TJP2: variants seen among roughly 807,000 people sequenced by gnomAD.
TJP2 encodes Friedreich ataxia region gene X104 (tight junction protein ZO-2).
A neutral mutation model predicts 133.1 loss-of-function variants in TJP2; 91 were observed. That is an observed-to-expected ratio of 0.68 (90% CI 0.58 to 0.81). The LOEUF (loss-of-function observed/expected upper bound fraction) is 0.81. TJP2 is among the 40% of genes least tolerant of loss of function. The probability of loss-of-function intolerance (pLI) is 0.00; values close to 1 mark genes in which losing one functional copy is unlikely to be tolerated. For synonymous variants in TJP2, 592 were observed against 583.4 expected (o/e 1.01, Z -0.21); for missense variants, 1,541 against 1,565.6 (o/e 0.98, Z 0.26).
chr9:69,228,007 T>G lies in TJP2; in HGVS notation c.1346T>G (p.Leu449Trp), dbSNP rs1481907609. 1.2e-6 allele frequency: 2 copies of G among 1,614,200 alleles called. No individual in the cohort carries two copies. The highest frequency in any genetic ancestry group is 4.5e-5 in the East Asian group (2 of 44,888). ...PSSREDTPSR[L>W]SRMGATPTPF... Reference sequence around the variant, plus strand: ...TCCAGAGAGGACACGCCGAGCAGATTGTCCAGGATGGGTGCGACACCCACT... The same window carrying G: ...TCCAGAGAGGACACGCCGAGCAGATGGTCCAGGATGGGTGCGACACCCACT... Residue 449 changes from leucine (L) to tryptophan (W), a missense_variant, in exon 9 of 23, where the codon TTG (leucine) becomes TGG (tryptophan). Leu to Trp is a moderately conservative substitution (Grantham distance 61, BLOSUM62 -2). Coordinates refer to ENST00000377245, the MANE Select transcript of TJP2 (RefSeq NM_004817.4).
intron 1 of TJP2, chr9:69,204,887 A>G: frequency 8.1e-7 from 1 of 1,228,316 alleles, no homozygotes; most frequent in South Asian, 2.8e-5. Flanking sequence ...ATCTACTCGG[A>G]TGCTCTAGTT....
At chr9:69,153,592 A>C (rs1823595886) in intron 2 of TJP2, among the ~76,000 whole-genome samples, 1 of 152,144 alleles carries the variant, frequency 6.6e-6, no homozygotes, top group Non-Finnish European at 1.5e-5. Flanking sequence ...AAAAAGAAAA[A>C]AATTGTTCTC....
intron 2 of TJP2, among the ~76,000 whole-genome samples, chr9:69,165,896 G>A (rs1029160152): frequency 3.9e-5 from 6 of 152,062 alleles, no homozygotes; most frequent in South Asian, 2.1e-4. Flanking sequence ...TCAGGGTTAC[G>A]CTCTGCCTCA....
chr9:69,191,135 A>T (rs201242904), intron 1 of TJP2, among the ~76,000 whole-genome samples: 1 of 51,648 alleles, frequency 1.9e-5, no homozygotes, highest in East Asian at 1.4e-3. Context: ...GAGCACTGAC[A>T]GACAGGTTTG....
chr9:69,239,917 T>C lies in TJP2; in HGVS notation c.2356-20T>C. 6.2e-7 allele frequency: 1 copy of C among 1,604,358 alleles called. No individual in the cohort carries two copies. Among genetic ancestry groups the C allele is most frequent in the Non-Finnish European group, 8.5e-7 (1 of 1,171,156 alleles). On this transcript the variant is annotated intron_variant, in intron 16 of 22. Coordinates refer to ENST00000377245, the MANE Select transcript of TJP2 (RefSeq NM_004817.4). The stretch of plus-strand genomic sequence containing the variant: ...TACTTTATATATCCATTTCTCTAAC[T>C]TTTCCCCTTTTGTAAACAGGATAAG...
chr9:69,181,034 G>A (rs140993215), intron 1 of TJP2, among the ~76,000 whole-genome samples: 1,579 of 152,202 alleles, frequency 0.01, 18 homozygotes, highest in Non-Finnish European at 0.018. Context: ...GAGACTAATT[G>A]AGAAATTAGG....
chr9:69,167,742 C>T (rs112783823), intron 2 of TJP2, among the ~76,000 whole-genome samples: 1 of 152,108 alleles, frequency 6.6e-6, no homozygotes, highest in South Asian at 2.1e-4. Flanking sequence ...GTGGCACATG[C>T]CTGTAATCCC....
intron 1 of TJP2, among the ~76,000 whole-genome samples, chr9:69,205,926 A>G (rs1051616869): frequency 2.0e-5 from 3 of 152,184 alleles, no homozygotes; most frequent in African/African-American, 4.8e-5. Context: ...TTTATGTAAA[A>G]TATATAGGAT....
chr9:69,213,331 G>A (rs1209423637), intron 2 of TJP2, among the ~76,000 whole-genome samples: 1 of 152,152 alleles, frequency 6.6e-6, no homozygotes, highest in Non-Finnish European at 1.5e-5. Context: ...CAAAGTGCTG[G>A]GTTGCAGGCG....
chr9:69,160,483 A>G (rs1412603064), intron 2 of TJP2, among the ~76,000 whole-genome samples: 1 of 152,182 alleles, frequency 6.6e-6, no homozygotes, highest in Non-Finnish European at 1.5e-5. Context: ...TCACTACTCT[A>G]GGAATGTGGA....
At chr9:69,136,633 G>T (rs1157646579) in intron 1 of TJP2, among the ~76,000 whole-genome samples, 1 of 152,152 alleles carries the variant, frequency 6.6e-6, no homozygotes, top group African/African-American at 2.4e-5. Context: ...TCTGGATCTT[G>T]ACTACTAGGG....
At chr9:69,220,373 C>G (rs1027637528) in intron 4 of TJP2, among the ~76,000 whole-genome samples, 1 of 152,166 alleles carries the variant, frequency 6.6e-6, no homozygotes, top group Non-Finnish European at 1.5e-5. Context: ...ATTGTCTTTT[C>G]TTTATGGTAG....
intron 2 of TJP2, among the ~76,000 whole-genome samples, chr9:69,154,141 G>T (rs1299367295): frequency 6.6e-6 from 1 of 152,182 alleles, no homozygotes; most frequent in African/African-American, 2.4e-5. Context: ...TGACTTCCAA[G>T]TTCAGTGAGA....
At chr9:69,229,356 A>T (rs563680558) in intron 10 of TJP2, 106 bp downstream of exon 10, 130 of 1,071,314 alleles carry the variant, frequency 1.2e-4, no homozygotes, top group Non-Finnish European at 1.8e-4. Context: ...GATTTTGTAC[A>T]CTGTCAGCCA....
At chr9:69,145,734 G>A in intron 1 of TJP2, 1 of 1,232,020 alleles carries the variant, frequency 8.1e-7, no homozygotes, top group Non-Finnish European at 1.0e-6. Flanking sequence ...CGGTATTCTG[G>A]AAGCAGCAGT....
intron 1 of TJP2, among the ~76,000 whole-genome samples, chr9:69,179,647 C>T (rs1390853383): frequency 5.9e-5 from 9 of 151,902 alleles, no homozygotes; most frequent in Admixed American, 3.3e-4. Context: ...CTACAGGCGC[C>T]CGCCACCACG....
In TJP2 at chr9:69,255,000, A is replaced by T. The variant is rs1406022840; in HGVS notation, c.*626A>T. The T allele has an allele frequency of 5.2e-6, 1 of 192,238 alleles. No homozygotes were observed. The highest frequency in any genetic ancestry group is 2.3e-5 in the African/African-American group (1 of 43,000). The allele number at this position is 192,238 out of a possible 1,614,324, so 11.9% of individuals were successfully genotyped here. On this transcript the variant is annotated 3_prime_UTR_variant, in exon 23 of 23. Transcript: ENST00000377245. ...TTTGTAATATTTTCCATAAATTTGGACTGTCTATATCATAACTATACTTGA... is the reference window on the plus strand; with the variant it reads ...TTTGTAATATTTTCCATAAATTTGGTCTGTCTATATCATAACTATACTTGA...
chr9:69,196,394 G>T (rs1826561059), intron 1 of TJP2, among the ~76,000 whole-genome samples: 1 of 152,134 alleles, frequency 6.6e-6, no homozygotes, highest in Non-Finnish European at 1.5e-5. Context: ...TGTACTATGT[G>T]CCAGGCATTA....
intron 2 of TJP2, among the ~76,000 whole-genome samples, chr9:69,158,584 G>A (rs1013165804): frequency 2.6e-5 from 4 of 152,016 alleles, no homozygotes; most frequent in African/African-American, 7.2e-5. Context: ...GTTTAAGGAA[G>A]CTTATTCTTC....
Sources: allele counts gnomAD v4.1 joint callset (sites outside exome capture counted in the v4.1 genomes callset), GRCh38; gene constraint gnomAD v4.1.1; transcripts MANE v1.5; gene names NCBI Gene and HGNC (gene_info 2026-07-23, HGNC 2026-07-21).